HAL: variants seen among roughly 807,000 people sequenced by gnomAD.
HAL encodes histidine ammonia-lyase.
HAL carries 85 observed loss-of-function variants against 81.1 expected under a neutral mutation model. The ratio of observed to expected loss-of-function variants is 1.05; its 90% CI spans 0.88 to 1.25. The LOEUF is 1.25. Among genes scored for constraint, HAL ranks in the 50% most tolerant of loss-of-function variants. The pLI, the probability that HAL is intolerant of heterozygous loss-of-function variation, is 0.00. For missense variants in HAL, 798 were observed against 836.6 expected, an observed-to-expected ratio of 0.95 and a Z score of 0.57; for synonymous variants, 301 against 309.2, an observed-to-expected ratio of 0.97 and a Z score of 0.28.
At chr12:95,981,139 G>A (rs2080790575) in intron 15 of HAL, among the ~76,000 whole-genome samples, 1 of 152,120 alleles carries the variant, frequency 6.6e-6, no homozygotes, top group Non-Finnish European at 1.5e-5. Context: ...CACCATAACT[G>A]TACTAACCTG....
intron 12 of HAL, 131 bp from the exon 13 acceptor site, chr12:95,986,291 C>G: frequency 2.9e-6 from 2 of 689,544 alleles, no homozygotes; most frequent in Non-Finnish European, 5.3e-6. Context: ...CCTTGGCCTC[C>G]CAAAGTGCTG....
chr12:95,974,475 C>G, intron 20 of HAL, 103 bp from the exon 21 acceptor site: 1 of 981,238 alleles, frequency 1.0e-6, no homozygotes, highest in Non-Finnish European at 1.6e-6. Flanking sequence ...CTATACATGA[C>G]CAGACACAGC....
At chr12:95,975,178 A>C (rs899916029) in intron 20 of HAL, among the ~76,000 whole-genome samples, 4 of 152,238 alleles carry the variant, frequency 2.6e-5, no homozygotes, top group Non-Finnish European at 5.9e-5. Flanking sequence ...CCCCTGCAGT[A>C]TCAGCATCAC....
chr12:95,986,333 G>A (rs1309873544), intron 12 of HAL, among the ~76,000 whole-genome samples, 173 bp from the exon 13 acceptor site: 5 of 152,006 alleles, frequency 3.3e-5, no homozygotes, highest in Admixed American at 2.0e-4. Context: ...ATGCCAGGTC[G>A]AGTAATTCTG....
At chr12:95,990,650 A>AAAG in intron 9 of HAL, 118 bp from the exon 10 acceptor site, 2 of 806,800 alleles carry the variant, frequency 2.5e-6, no homozygotes, top group Non-Finnish European at 4.4e-6. Context: ...CTATCACTTT[A>AAAG]TGGCATAGAT....
rs1950031929 is a variant in HAL, at chr12:95,995,982, G to T, written c.-72C>A. On this transcript the variant is annotated 5_prime_UTR_variant, in exon 2 of 21. Transcript: ENST00000261208. ...GCTTTATGCAGGAGTGGCTACCGGG[G>T]TGTGGTCAGCTGGAAGGATGAGAAT... 10 of 1,512,348 alleles carry T rather than the reference G, an allele frequency of 6.6e-6. 1 individual carries two copies. In the South Asian group the frequency reaches 1.1e-4, roughly 17 times the overall value. 93.7% of individuals were successfully genotyped at this position (1,512,348 alleles called of 1,614,324 possible). A position where few individuals can be genotyped will look rare whatever the true frequency, so the allele number is the denominator to read the frequency against.
At chr12:95,976,136 G>C in intron 20 of HAL, 1 of 423,478 alleles carries the variant, frequency 2.4e-6, no homozygotes, top group Non-Finnish European at 4.4e-6. Flanking sequence ...GGGTGGGGAG[G>C]CATCAATGAA....
chr12:95,992,766 A>T lies in HAL; in HGVS notation c.629T>A (p.Leu210His). Reference sequence around the variant, plus strand: ...TAAGACATTGATCCTTAAAGCCAAGAGCATCCGACACCTCTCAGGACTTAG... The same window carrying T: ...TAAGACATTGATCCTTAAAGCCAAGTGCATCCGACACCTCTCAGGACTTAG... ...KPLSPERCRM[L>H]LALRINVLAK... Residue 210 changes from leucine to histidine, a missense_variant, in exon 9 of 21, where the codon CTC (leucine) becomes CAC (histidine). By Grantham distance (99) the Leu-to-His change is moderately conservative (BLOSUM62 -3). Coordinates refer to ENST00000261208, the MANE Select transcript of HAL (RefSeq NM_002108.4). The T allele has an allele frequency of 6.2e-7, 1 of 1,612,500 alleles. No individual in the cohort carries two copies. Among genetic ancestry groups the T allele is most frequent in the Non-Finnish European group, 8.5e-7 (1 of 1,178,490 alleles).
chr12:95,985,872 A>AT, intron 14 of HAL, 36 bp downstream of exon 14: 3 of 1,467,654 alleles, frequency 2.0e-6, no homozygotes, highest in Non-Finnish European at 2.8e-6. Context: ...CTTTATTGGC[A>AT]TTTTTTATTG....
intron 12 of HAL, 78 bp downstream of exon 12, chr12:95,986,989 G>T: frequency 8.1e-7 from 1 of 1,234,658 alleles, no homozygotes. Context: ...CACCACTTCT[G>T]TGTCTAAAGA....
Position 95,980,877 on chromosome 12 carries a change from T to G in HAL, c.1288-14A>C. 1 of 1,505,760 alleles carries G rather than the reference T, an allele frequency of 6.6e-7. No individual in the cohort carries two copies. Among genetic ancestry groups the G allele is most frequent in the Non-Finnish European group, 9.2e-7 (1 of 1,082,388 alleles). 93.3% of individuals were successfully genotyped at this position (1,505,760 alleles called of 1,614,324 possible). On this transcript the variant is annotated splice_polypyrimidine_tract_variant and intron_variant, in intron 15 of 20. Coordinates refer to ENST00000261208, the MANE Select transcript of HAL (RefSeq NM_002108.4). The stretch of plus-strand genomic sequence containing the variant: ...GGCAAAGACCATCTTTCAAAAGAGG[T>G]TAAGGCTTGAAGATAATGTTTGCTG...
At chr12:95,982,020 A>C (rs1400931482) in intron 15 of HAL, among the ~76,000 whole-genome samples, 1 of 152,226 alleles carries the variant, frequency 6.6e-6, no homozygotes, top group Non-Finnish European at 1.5e-5. Context: ...CATTGGGTCT[A>C]GCTCCTTGGT....
At chr12:95,984,551 A>G (rs1005361301) in intron 14 of HAL, among the ~76,000 whole-genome samples, 5 of 152,246 alleles carry the variant, frequency 3.3e-5, no homozygotes, top group Non-Finnish European at 5.9e-5. Flanking sequence ...AATAGCCACA[A>G]TGCTATAAAG....
Position 95,987,066 on chromosome 12 carries a change from C to A in HAL, c.1051+1G>T. ...CAACCAAAAGGAAGAACCCTGCTGA[C>A]CAGTGTCAAAGGCTTTGGTGGTGCC... is the stretch of plus-strand genomic sequence containing the variant. On this transcript the variant is annotated splice_donor_variant, in intron 12 of 20. Transcript: ENST00000261208. LOFTEE classifies it high-confidence loss of function. 1.2e-6 allele frequency: 2 copies of A among 1,612,166 alleles called. No individual in the cohort carries two copies. Among genetic ancestry groups the A allele is most frequent in the Non-Finnish European group, 1.7e-6 (2 of 1,178,560 alleles).
At chr12:95,975,662 G>A (rs1108405) in intron 20 of HAL, among the ~76,000 whole-genome samples, 6 of 152,000 alleles carry the variant, frequency 3.9e-5, no homozygotes, top group African/African-American at 4.8e-5. Flanking sequence ...CTAACCTCTC[G>A]TATACCTCCC....
intron 8 of HAL, among the ~76,000 whole-genome samples, 180 bp from the exon 9 acceptor site, chr12:95,992,985 T>G (rs1462547422): frequency 6.6e-6 from 1 of 151,630 alleles, no homozygotes; most frequent in Non-Finnish European, 1.5e-5. Flanking sequence ...GAGCCCCATC[T>G]TCCTGACAAA....
rs1032911818 is a variant in HAL at position 95,994,695 on chromosome 12, T to A, written c.336+103A>T. 1.4e-5 allele frequency: 16 copies of A among 1,155,512 alleles called. No individual in the cohort carries two copies. In the East Asian group the frequency reaches 3.5e-4, roughly 25 times the overall value. 71.6% of individuals were successfully genotyped at this position (1,155,512 alleles called of 1,614,324 possible). A position where few individuals can be genotyped will look rare whatever the true frequency, so the allele number is the denominator to read the frequency against. Reference sequence around the variant, plus strand: ...ATGAGTCACTGCTCCCGGCCAGCCCTGTTCTAATTGACAGTGTTTTCTCAG... The same window carrying A: ...ATGAGTCACTGCTCCCGGCCAGCCCAGTTCTAATTGACAGTGTTTTCTCAG... On this transcript the variant is annotated intron_variant, in intron 4 of 20. Coordinates refer to ENST00000261208, the MANE Select transcript of HAL (RefSeq NM_002108.4).
rs752780648 is a variant in HAL at position 95,993,883 on chromosome 12, G to A, written c.484+43C>T. 2.0e-5 allele frequency: 30 copies of A among 1,473,720 alleles called. No homozygotes were observed. The South Asian group carries it at 2.5e-4, about 12-fold the overall frequency. The allele number at this position is 1,473,720 out of a possible 1,614,324, so 91.3% of individuals were successfully genotyped here. On this transcript the variant is annotated intron_variant, in intron 6 of 20. Transcript: ENST00000261208. Reference sequence around the variant, plus strand: ...TATGCAATTAAATGCAGGGATTTTTGTTTGTTTATAAAAATATTTATAACA... The same window carrying A: ...TATGCAATTAAATGCAGGGATTTTTATTTGTTTATAAAAATATTTATAACA...
intron 14 of HAL, among the ~76,000 whole-genome samples, chr12:95,984,520 C>T (rs1255627885): frequency 6.6e-6 from 1 of 152,232 alleles, no homozygotes; most frequent in Admixed American, 6.5e-5. Flanking sequence ...CATAAGGCAG[C>T]TACGCTGTAC....
Sources: gnomAD v4.1 joint callset for allele counts (sites outside exome capture counted in the v4.1 genomes callset) on GRCh38, gnomAD v4.1.1 for gene constraint, MANE v1.5 for transcripts, NCBI Gene and HGNC (gene_info 2026-07-23, HGNC 2026-07-21) for gene names.